Variants in PLXNA4 observed in about 807,000 individuals in gnomAD.
PLXNA4 encodes plexin-A4.
PLXNA4 carries 44 observed loss-of-function variants against 191.8 expected under a neutral mutation model. That is an observed-to-expected ratio of 0.23 (90% CI 0.18 to 0.29). The LOEUF (loss-of-function observed/expected upper bound fraction) is 0.29, where lower values mean the gene tolerates loss of function less well. PLXNA4 is among the 10% of genes least tolerant of loss of function. The probability of loss-of-function intolerance (pLI) is 1.00; values close to 1 mark genes in which losing one functional copy is unlikely to be tolerated. For missense variants in PLXNA4, 1,800 were observed against 2,488.8 expected, an observed-to-expected ratio of 0.72 and a Z score of 5.89; for synonymous variants, 1,082 against 1,009.5, an observed-to-expected ratio of 1.07 and a Z score of -1.36.
intron 1 of PLXNA4, among the ~76,000 whole-genome samples, chr7:132,554,529 G>A (rs890404): frequency 0.023 from 3,430 of 152,230 alleles, 56 homozygotes; most frequent in South Asian, 0.049. Context: ...AGTGTTGCTG[G>A]GAATAATGCA....
intron 2 of PLXNA4, among the ~76,000 whole-genome samples, chr7:132,605,125 T>TG (rs1236630568): frequency 6.6e-6 from 1 of 152,228 alleles, no homozygotes; most frequent in East Asian, 1.9e-4. Context: ...CTTACGAGAT[T>TG]GGCACTGTTC....
At chr7:132,131,586 T>C (rs1056505108) in intron 31 of PLXNA4, among the ~76,000 whole-genome samples, 1 of 152,206 alleles carries the variant, frequency 6.6e-6, no homozygotes, top group Non-Finnish European at 1.5e-5. Flanking sequence ...AATGTTTCTT[T>C]AGTTGTGGAA....
At chr7:132,361,891 A>G (rs1803957396) in intron 3 of PLXNA4, among the ~76,000 whole-genome samples, 1 of 152,248 alleles carries the variant, frequency 6.6e-6, no homozygotes, top group Non-Finnish European at 1.5e-5. Flanking sequence ...TCTTTCAAAG[A>G]AAAGAACATT....
At chr7:132,136,409 C>T (rs562351190) in intron 30 of PLXNA4, among the ~76,000 whole-genome samples, 43 of 152,326 alleles carry the variant, frequency 2.8e-4, no homozygotes, top group African/African-American at 9.4e-4. Flanking sequence ...TCCAGGAAGT[C>T]CTTCAGGACC....
rs572491942 is a variant in PLXNA4 at position 132,511,110 on chromosome 7, T to G, written c.-86-2331A>C. Among the ~76,000 whole-genome samples the G allele has an allele frequency of 2.6e-5, 4 of 152,140 alleles. No individual in the cohort carries two copies. In the East Asian group the frequency reaches 7.7e-4, roughly 29 times the overall value. On this transcript the variant is annotated intron_variant, in intron 1 of 31. Transcript: ENST00000321063. ...TCTTGCTCGTCAACACATTCACAGC[T>G]GCACATATAGAGGAGGCTCAACAAC...
rs1226318277 is a variant in PLXNA4, at chr7:132,348,062, T to C, written c.1372-49840A>G. Among the ~76,000 whole-genome samples, 4 of 152,100 alleles carry C rather than the reference T, an allele frequency of 2.6e-5. No homozygotes were observed. The East Asian group carries it at 7.7e-4, about 29-fold the overall frequency. On this transcript the variant is annotated intron_variant, in intron 3 of 31. Transcript: ENST00000321063. The stretch of plus-strand genomic sequence containing the variant: ...AGGCTGGTGCTGGAGAAGTGATAAA[T>C]GGGGCAGGAGGTGTCAGATATCAAC...
At chr7:132,318,541 C>T (rs1445359945) in intron 3 of PLXNA4, among the ~76,000 whole-genome samples, 1 of 152,132 alleles carries the variant, frequency 6.6e-6, no homozygotes, top group Non-Finnish European at 1.5e-5. Context: ...CTCCCCACCC[C>T]CTGCAGAATG....
chr7:132,265,151 C>A (rs1441737709), intron 4 of PLXNA4, among the ~76,000 whole-genome samples: 1 of 152,160 alleles, frequency 6.6e-6, no homozygotes, highest in Non-Finnish European at 1.5e-5. Flanking sequence ...GTTTGAGTCC[C>A]AACCACACCA....
At chr7:132,161,525 G>A (rs1327618836) in intron 24 of PLXNA4, among the ~76,000 whole-genome samples, 4 of 152,224 alleles carry the variant, frequency 2.6e-5, no homozygotes, top group Non-Finnish European at 5.9e-5. Context: ...GCTTTGTTGA[G>A]ATACAAAATC....
At chr7:132,198,104 G>C (rs1584829906) in intron 13 of PLXNA4, among the ~76,000 whole-genome samples, 1 of 152,328 alleles carries the variant, frequency 6.6e-6, no homozygotes, top group Non-Finnish European at 1.5e-5. Context: ...TCTCCACAGA[G>C]AGTAGCACAG....
chr7:132,347,726 C>T (rs565037574), intron 3 of PLXNA4, among the ~76,000 whole-genome samples: 2 of 152,180 alleles, frequency 1.3e-5, no homozygotes, highest in South Asian at 2.1e-4. Context: ...AGGCAGGTGC[C>T]CATGATCACG....
intron 3 of PLXNA4, among the ~76,000 whole-genome samples, chr7:132,420,088 A>G (rs760108731): frequency 7.9e-5 from 12 of 152,220 alleles, no homozygotes; most frequent in Admixed American, 2.6e-4. Flanking sequence ...GGCTTCTGGC[A>G]TCTACAAATA....
At chr7:132,274,266 G>A (rs1563005783) in intron 4 of PLXNA4, among the ~76,000 whole-genome samples, 1 of 147,106 alleles carries the variant, frequency 6.8e-6, no homozygotes, top group African/African-American at 2.5e-5. Context: ...ACGCTAATAT[G>A]TATATATATA....
chr7:132,182,033 A>G, intron 17 of PLXNA4, 64 bp downstream of exon 17: 1 of 1,611,584 alleles, frequency 6.2e-7, no homozygotes, highest in Non-Finnish European at 8.5e-7. Flanking sequence ...GAAGACCCAC[A>G]CCCTTTGGGG....
At chr7:132,279,804 G>T (rs777554500) in intron 4 of PLXNA4, among the ~76,000 whole-genome samples, 1 of 152,184 alleles carries the variant, frequency 6.6e-6, no homozygotes, top group Non-Finnish European at 1.5e-5. Context: ...TTGAGATAGA[G>T]AAATCACTTT....
At chr7:132,456,333 G>A (rs760046977) in intron 3 of PLXNA4, among the ~76,000 whole-genome samples, 1 of 151,940 alleles carries the variant, frequency 6.6e-6, no homozygotes, top group African/African-American at 2.4e-5. Context: ...GGCTGGTCTC[G>A]AACTTCTGAG....
At chr7:132,273,292 A>G (rs17166304) in intron 4 of PLXNA4, among the ~76,000 whole-genome samples, 5,856 of 152,028 alleles carry the variant, frequency 0.039, 385 homozygotes, top group African/African-American at 0.13. Flanking sequence ...TTTGGAACTG[A>G]AACCCTTTAA....
chr7:132,143,429 T>G (rs910982913), intron 29 of PLXNA4, among the ~76,000 whole-genome samples: 1 of 152,190 alleles, frequency 6.6e-6, no homozygotes, highest in African/African-American at 2.4e-5. Flanking sequence ...TGAAAACAAA[T>G]GGTTTAGATA....
intron 21 of PLXNA4, among the ~76,000 whole-genome samples, chr7:132,169,824 C>T (rs992094131): frequency 6.6e-6 from 1 of 151,758 alleles, no homozygotes; most frequent in South Asian, 2.1e-4. Flanking sequence ...ACAATTTGTG[C>T]GTGATTTGTA....
Sources: allele counts gnomAD v4.1 joint callset (sites outside exome capture counted in the v4.1 genomes callset), GRCh38; gene constraint gnomAD v4.1.1; transcripts MANE v1.5; gene names NCBI Gene and HGNC (gene_info 2026-07-23, HGNC 2026-07-21).